Variants in NWD2 observed in about 807,000 individuals in gnomAD.
The protein encoded by NWD2 is NACHT and WD repeat domain containing 2.
In NWD2, 37 loss-of-function variants were observed where a neutral mutation model predicts 132.7. The observed-to-expected ratio is 0.28, with a 90% confidence interval of 0.21 to 0.37. The LOEUF (loss-of-function observed/expected upper bound fraction) is 0.37, where lower values mean the gene tolerates loss of function less well. Ranked by LOEUF, NWD2 falls within the 10% of genes least tolerant of loss-of-function variation. NWD2 has a pLI of 1.00. For missense variants in NWD2, 1,592 were observed against 2,122.4 expected (o/e 0.75, Z 4.91); for synonymous variants, 705 against 803.0 (o/e 0.88, Z 2.06).
At chr4:37,435,142 T>C (rs2109327728) in intron 5 of NWD2, among the ~76,000 whole-genome samples, 1 of 152,298 alleles carries the variant, frequency 6.6e-6, no homozygotes, top group African/African-American at 2.4e-5. Context: ...AATATGTCAG[T>C]CATAGTTTCC....
chr4:37,313,611 T>C lies in NWD2; in HGVS notation c.152-12325T>C, dbSNP rs79131358. ...GATTCATTAATTTTTTGAAGGATTT[T>C]TAGCTGTAGGGATTTTTGAAGATGC... is the stretch of plus-strand genomic sequence containing the variant. On this transcript the variant is annotated intron_variant, in intron 1 of 6. Transcript: ENST00000309447. Among the ~76,000 whole-genome samples the C allele has an allele frequency of 5.2e-3, 784 of 151,302 alleles. 57 individuals are homozygous for C. Among genetic ancestry groups the C allele is most frequent in the African/African-American group, 0.019 (756 of 40,566 alleles).
chr4:37,267,874 T>TTA (rs1479795986), intron 1 of NWD2, among the ~76,000 whole-genome samples: 1 of 151,852 alleles, frequency 6.6e-6, no homozygotes, highest in African/African-American at 2.4e-5. Flanking sequence ...AGATATACGA[T>TTA]TATAACTCTG....
chr4:37,357,650 A>G (rs1719897400), intron 3 of NWD2, among the ~76,000 whole-genome samples: 2 of 152,204 alleles, frequency 1.3e-5, no homozygotes, highest in Middle Eastern at 3.4e-3. Flanking sequence ...AAGAAGATAA[A>G]ATTTTTTGCT....
At chr4:37,375,663 G>A (rs1228768630) in intron 3 of NWD2, among the ~76,000 whole-genome samples, 1 of 151,682 alleles carries the variant, frequency 6.6e-6, no homozygotes, top group Non-Finnish European at 1.5e-5. Flanking sequence ...CCGCCTCCCG[G>A]GTTCACACCA....
rs1304971941 is a variant in NWD2 at position 37,297,216 on chromosome 4, G to C, written c.152-28720G>C. Among the ~76,000 whole-genome samples, 3 of 152,014 alleles carry C rather than the reference G, an allele frequency of 2.0e-5. No homozygotes were observed. The East Asian group carries it at 5.8e-4, about 29-fold the overall frequency. On this transcript the variant is annotated intron_variant, in intron 1 of 6. Transcript: ENST00000309447. ...ACATGCTCAAGTCCCCCTTATATGA[G>C]ATGGCATAATATTTGAATATAACCT...
chr4:37,383,023 C>T (rs1720488093), intron 3 of NWD2, among the ~76,000 whole-genome samples: 1 of 152,176 alleles, frequency 6.6e-6, no homozygotes, highest in Non-Finnish European at 1.5e-5. Context: ...GCTGAAAGTG[C>T]TGTTGTTGTC....
At chr4:37,329,525 A>G (rs1719246868) in intron 2 of NWD2, among the ~76,000 whole-genome samples, 1 of 152,064 alleles carries the variant, frequency 6.6e-6, no homozygotes, top group African/African-American at 2.4e-5. Context: ...GAACAAGGAA[A>G]AGGGTCTGAG....
intron 1 of NWD2, among the ~76,000 whole-genome samples, chr4:37,318,020 C>CTTTTTTTTT (rs71185128): frequency 2.6e-5 from 3 of 113,362 alleles, no homozygotes; most frequent in African/African-American, 4.1e-5. Context: ...TTTTTTCTTT[C>CTTTTTTTTT]TTTTTTTTTT....
chr4:37,258,114 A>G (rs1288427017), intron 1 of NWD2, among the ~76,000 whole-genome samples: 1 of 152,266 alleles, frequency 6.6e-6, no homozygotes, highest in Non-Finnish European at 1.5e-5. Context: ...TCAGATTTGC[A>G]TAGTTTTGCT....
chr4:37,280,867 G>T (rs967781365), intron 1 of NWD2, among the ~76,000 whole-genome samples: 1 of 152,176 alleles, frequency 6.6e-6, no homozygotes, highest in Admixed American at 6.5e-5. Flanking sequence ...TGTCCCTACA[G>T]GTTAAGACCC....
chr4:37,349,695 T>C (rs905953917), intron 2 of NWD2, among the ~76,000 whole-genome samples: 6 of 152,208 alleles, frequency 3.9e-5, no homozygotes, highest in African/African-American at 1.4e-4. Flanking sequence ...TTTAATTAGA[T>C]CCTATTTGTC....
intron 1 of NWD2, among the ~76,000 whole-genome samples, chr4:37,253,009 C>A (rs879447921): frequency 8.6e-5 from 13 of 151,188 alleles, no homozygotes; most frequent in East Asian, 2.0e-4. Context: ...CAACCCCCCC[C>A]CCTTATGTTT....
chr4:37,326,733 G>A (rs1426447171), intron 2 of NWD2, among the ~76,000 whole-genome samples: 3 of 152,138 alleles, frequency 2.0e-5, no homozygotes, highest in African/African-American at 7.2e-5. Flanking sequence ...ATTGGCGATG[G>A]AAATCCTAAC....
At chr4:37,390,929 T>C (rs922973548) in intron 3 of NWD2, among the ~76,000 whole-genome samples, 3 of 152,250 alleles carry the variant, frequency 2.0e-5, no homozygotes, top group Non-Finnish European at 1.5e-5. Flanking sequence ...AATCAAGTTA[T>C]AATTTGCTTT....
chr4:37,249,855 T>C (rs1717316803), intron 1 of NWD2, among the ~76,000 whole-genome samples: 1 of 152,196 alleles, frequency 6.6e-6, no homozygotes, highest in African/African-American at 2.4e-5. Context: ...AGACTCTTCA[T>C]GCCTTTGGGG....
intron 2 of NWD2, among the ~76,000 whole-genome samples, chr4:37,351,491 T>C (rs1418449915): frequency 1.3e-5 from 2 of 152,224 alleles, no homozygotes; most frequent in Non-Finnish European, 2.9e-5. Flanking sequence ...TATTCTCTGA[T>C]GGTAGTTTGT....
chr4:37,297,312 T>C (rs1320190270), intron 1 of NWD2, among the ~76,000 whole-genome samples: 2 of 152,218 alleles, frequency 1.3e-5, no homozygotes, highest in African/African-American at 2.4e-5. Context: ...GTAAATGCTG[T>C]GTAAATAGTT....
At chr4:37,369,727 A>G (rs1304255762) in intron 3 of NWD2, among the ~76,000 whole-genome samples, 2 of 152,114 alleles carry the variant, frequency 1.3e-5, no homozygotes, top group East Asian at 3.8e-4. Flanking sequence ...CAAAAGGTAG[A>G]GGGGGGGTCA....
chr4:37,405,421 TAATAGAATAGAATAGAATAG>T (rs36213513), intron 3 of NWD2, among the ~76,000 whole-genome samples: 17,273 of 141,276 alleles, frequency 0.12, 1,135 homozygotes, highest in Middle Eastern at 0.13. Context: ...TAGTTGAATG[TAATAGAATAGAATAGAATAG>T]AATAGAATAG....
Sources: allele counts gnomAD v4.1 joint callset (sites outside exome capture counted in the v4.1 genomes callset), GRCh38; gene constraint gnomAD v4.1.1; transcripts MANE v1.5; gene names NCBI Gene and HGNC (gene_info 2026-07-23, HGNC 2026-07-21).